Variants in DOC2A observed in about 807,000 individuals in gnomAD.
DOC2A encodes the protein double C2 domain alpha.
DOC2A carries 28 observed loss-of-function variants against 40.6 expected under a neutral mutation model. The observed-to-expected ratio is 0.69, with a 90% CI of 0.51 to 0.95. DOC2A has a LOEUF of 0.95. Ranked by LOEUF, DOC2A falls within the 40% of genes least tolerant of loss-of-function variation. DOC2A has a pLI of 0.00. For synonymous variants in DOC2A, 241 were observed against 236.9 expected (o/e 1.02, Z -0.16); for missense variants, 474 against 552.5 (o/e 0.86, Z 1.42).
At chr16:30,011,285 C>T (rs1465667855), upstream of DOC2A, 8 of 969,540 alleles carry the variant, frequency 8.3e-6, no homozygotes, top group African/African-American at 1.8e-5. Context: ...CACGTGTGCA[C>T]GCTCACACCC....
rs774811229 is a variant in DOC2A at position 30,009,964 on chromosome 16, C to T, written c.259G>A (p.Ala87Thr). Residue 87 changes from alanine (A) to threonine (T), a missense_variant, in exon 2 of 11, where the codon GCC becomes ACC. Transcript: ENST00000350119. This position sits in a 1 kb window ranked among gnomAD's most constrained non-coding sequence, Gnocchi z 4.1. ...AEVDSYDSDD[A>T]TALGTLEFDL... is the part of the protein sequence containing the mutation. Reference sequence around the variant, plus strand: ...GCCTCCAAGCCCCCAGACTCACTGGCATCATCCGAGTCATAGCTGTCCACC... The same window carrying T: ...GCCTCCAAGCCCCCAGACTCACTGGTATCATCCGAGTCATAGCTGTCCACC... The T allele has an allele frequency of 1.2e-6, 2 of 1,611,360 alleles. No individual in the cohort carries two copies. The highest frequency in any genetic ancestry group is 8.5e-7 in the Non-Finnish European group (1 of 1,179,762).
intron 1 of DOC2A, among the ~76,000 whole-genome samples, chr16:30,019,827 C>T (rs1211586917): frequency 1.3e-5 from 2 of 151,444 alleles, no homozygotes; most frequent in East Asian, 1.9e-4. Context: ...CTCCACCTAC[C>T]GGGCTCAAGT....
chr16:30,013,603 C>CAAAAA (rs61309249), upstream of DOC2A: 5 of 34,890 alleles, frequency 1.4e-4, no homozygotes, highest in East Asian at 8.5e-4. Flanking sequence ...GACCCTGTCT[C>CAAAAA]AAAAAAAAAA....
rs1191675962 is a variant in DOC2A at position 30,010,030 on chromosome 16, CA to C, written c.192del (p.Ala65GlnfsTer26). On this transcript the variant is annotated frameshift_variant, in exon 2 of 11. Transcript: ENST00000350119. LOFTEE classifies it high-confidence loss of function. The surrounding 1 kb of genome is among the most constrained non-coding windows in gnomAD (Gnocchi z 4.2). The part of the protein sequence containing the change: ...AHLVPLALAP[P>X]AALLGATTPE... ...GGCGTGGTGGCCCCAAGGAGGGCTGCAGGGGGGGCCAGAGCCAGGGGGACCA... is the reference window on the plus strand; with the variant it reads ...GGCGTGGTGGCCCCAAGGAGGGCTGCGGGGGGGCCAGAGCCAGGGGGACCA... 6.2e-7 allele frequency: 1 copy of C among 1,612,050 alleles called. No homozygotes were observed.
chr16:30,016,483 G>A (rs1179037393), upstream of DOC2A, among the ~76,000 whole-genome samples: 2 of 152,310 alleles, frequency 1.3e-5, no homozygotes, highest in South Asian at 4.1e-4. Context: ...TGACCTGGGC[G>A]CAGGGGGCCT....
upstream of DOC2A, chr16:30,012,704 A>G (rs1375933241): frequency 2.0e-5 from 3 of 147,894 alleles, no homozygotes; most frequent in Non-Finnish European, 3.0e-5. Context: ...AAAAAAAGTA[A>G]GAGAAATGTA....
chr16:30,015,254 A>G (rs2070843415), upstream of DOC2A: 1 of 152,272 alleles, frequency 6.6e-6, no homozygotes, highest in South Asian at 2.1e-4. Context: ...TGCCACATGC[A>G]TAGGTTACCT....
chr16:30,006,863 C>G lies in DOC2A; in HGVS notation c.800G>C (p.Gly267Ala). 6.2e-7 allele frequency: 1 copy of G among 1,613,584 alleles called. No homozygotes were observed. Among genetic ancestry groups the G allele is most frequent in the Non-Finnish European group, 8.5e-7 (1 of 1,179,782 alleles). ...GCAGCGCAAGATGCCTACCAGCAGTCCCCGGCGCCGCGAGCTGTAGCTGAG... is the reference window on the plus strand; with the variant it reads ...GCAGCGCAAGATGCCTACCAGCAGTGCCCGGCGCCGCGAGCTGTAGCTGAG... ...LSLSYSSRRR[G>A]LLVGILRCAH... Residue 267 changes from glycine (G) to alanine (A), a missense_variant, in exon 8 of 11, where the codon GGA becomes GCA. By Grantham distance (60) the Gly-to-Ala change is moderately conservative. Transcript: ENST00000350119. This position sits in a 1 kb window ranked among gnomAD's most constrained non-coding sequence, Gnocchi z 6.2.
chr16:30,013,422 C>G (rs1248666446), upstream of DOC2A: 1 of 149,748 alleles, frequency 6.7e-6, no homozygotes, highest in South Asian at 2.1e-4. Flanking sequence ...CCCGCCTCCA[C>G]GCCTGACTAA....
chr16:30,008,977 T>TG lies in DOC2A; in HGVS notation c.527+18dup. ...CTGTCCCCGAGCTGCTGCTGGGTGG[T>TG]GGGGAGGGGGGCCCTCACCTGAGCA... On this transcript the variant is annotated intron_variant, in intron 5 of 10. Transcript: ENST00000350119. 1 of 1,559,108 alleles carries TG rather than the reference T, an allele frequency of 6.4e-7. No homozygotes were observed. Among genetic ancestry groups the TG allele is most frequent in the African/African-American group, 1.4e-5 (1 of 73,868 alleles).
intron 5 of DOC2A, 79 bp downstream of exon 5, chr16:30,008,917 G>T: frequency 1.0e-6 from 1 of 994,018 alleles, no homozygotes; most frequent in Non-Finnish European, 1.6e-6. Flanking sequence ...GGCTTAATGG[G>T]ACATAGATCA....
intron 5 of DOC2A, 120 bp downstream of exon 5, chr16:30,008,876 G>C: frequency 1.3e-6 from 1 of 747,556 alleles, no homozygotes; most frequent in Non-Finnish European, 2.4e-6. Context: ...CTAGGGAGCC[G>C]CTGATGGTTC....
In DOC2A at chr16:30,018,129, A is replaced by C. The variant is rs964351745; in HGVS notation, c.-376+3054T>G. Among the ~76,000 whole-genome samples the C allele has an allele frequency of 4.1e-5, 5 of 121,412 alleles. No individual in the cohort carries two copies. In the Admixed American group the frequency reaches 4.2e-4, roughly 10 times the overall value. 79.7% of individuals were successfully genotyped at this position (121,412 alleles called of 152,430 possible). A position where few individuals can be genotyped will look rare whatever the true frequency, so the allele number is the denominator to read the frequency against. On this transcript the variant is annotated intron_variant, in intron 1 of 5. Transcript: ENST00000574405. Reference sequence around the variant, plus strand: ...AAAAAAAAAAAAAAAAAAAAAAAAAACTTAGCTGGGCATGATGACTTGATG... The same window carrying C: ...AAAAAAAAAAAAAAAAAAAAAAAAACCTTAGCTGGGCATGATGACTTGATG...
upstream of DOC2A, among the ~76,000 whole-genome samples, chr16:30,016,055 A>ATATATATT (rs1163519904): frequency 3.0e-4 from 5 of 16,892 alleles, no homozygotes; most frequent in African/African-American, 5.4e-4. Context: ...ATATATATAT[A>ATATATATT]TTTTTTTTTT....
At position 30,005,594 on chromosome 16, in the gene DOC2A, T is replaced by G; in HGVS notation, c.*592A>C. ...CAGAAAAGGCGTAAACATGCACGGG[T>G]GTCCCCCAGGAGGGTGGCAGGGGCC... is the stretch of plus-strand genomic sequence containing the variant. On this transcript the variant is annotated 3_prime_UTR_variant, in exon 11 of 11. Transcript: ENST00000350119. 1 of 758,600 alleles carries G rather than the reference T, an allele frequency of 1.3e-6. No individual in the cohort carries two copies. Among genetic ancestry groups the G allele is most frequent in the Non-Finnish European group, 2.2e-6 (1 of 462,218 alleles). The allele number at this position is 758,600 out of a possible 1,614,324, so 47.0% of individuals were successfully genotyped here.
Position 30,009,589 on chromosome 16 carries a change from T to C in DOC2A, c.263-32A>G. ...AGAGAGGAAAGGCAGCATGGGTCGG[T>C]ATGGAGACAGGTGTGTGCGAGAGGC... On this transcript the variant is annotated intron_variant, in intron 2 of 10. Coordinates refer to ENST00000350119, the MANE Select transcript of DOC2A (RefSeq NM_003586.3). This position sits in a 1 kb window ranked among gnomAD's most constrained non-coding sequence, Gnocchi z 4.1. The C allele has an allele frequency of 6.5e-7, 1 of 1,536,712 alleles. No individual in the cohort carries two copies. The highest frequency in any genetic ancestry group is 8.8e-7 in the Non-Finnish European group (1 of 1,135,582).
rs1325863502 is a variant in DOC2A, at chr16:30,006,679, T to TG, written c.879-3dup. 6.2e-7 allele frequency: 1 copy of TG among 1,613,350 alleles called. No individual in the cohort carries two copies. On this transcript the variant is annotated splice_polypyrimidine_tract_variant and splice_region_variant and intron_variant, in intron 8 of 10. Transcript: ENST00000350119. This position sits in a 1 kb window ranked among gnomAD's most constrained non-coding sequence, Gnocchi z 6.2. Reference sequence around the variant, plus strand: ...TTGTCCACATCGGGCCTCAGGTACCTGGGGGTGGGGTGGAGGGAGACGAAC... The same window carrying TG: ...TTGTCCACATCGGGCCTCAGGTACCTGGGGGGTGGGGTGGAGGGAGACGAAC...
chr16:30,012,992 AAAACAAAC>A (rs555014803), upstream of DOC2A, among the ~76,000 whole-genome samples: 12 of 151,600 alleles, frequency 7.9e-5, no homozygotes, highest in Non-Finnish European at 1.0e-4. Context: ...ACTCAGTCTC[AAAACAAAC>A]AAACAAACAA....
chr16:30,021,436 G>A (rs973093978), upstream of DOC2A: 6 of 152,462 alleles, frequency 3.9e-5, no homozygotes, highest in Non-Finnish European at 7.3e-5. Context: ...CTGTTGGGAG[G>A]TGGCAGAGAT....
Sources: allele counts gnomAD v4.1 joint callset (sites outside exome capture counted in the v4.1 genomes callset), GRCh38; gene constraint gnomAD v4.1.1; non-coding constraint Gnocchi (gnomAD v3.1); transcripts MANE v1.5; gene names NCBI Gene and HGNC (gene_info 2026-07-23, HGNC 2026-07-21).